MSI2: variants seen among roughly 807,000 people sequenced by gnomAD.
The protein encoded by MSI2 is musashi RNA binding protein 2, also known as RNA-binding protein Musashi homolog 2.
MSI2 carries 17 observed loss-of-function variants against 45.6 expected under a neutral mutation model. The ratio of observed to expected loss-of-function variants is 0.37; its 90% CI spans 0.26 to 0.56. The LOEUF (loss-of-function observed/expected upper bound fraction) is 0.56. Among genes scored for constraint, MSI2 ranks in the 20% least tolerant of loss-of-function variants. The pLI, the probability that MSI2 is intolerant of heterozygous loss-of-function variation, is 0.77. For synonymous variants in MSI2, 156 were observed against 158.2 expected, an observed-to-expected ratio of 0.99 and a Z score of 0.11; for missense variants, 293 against 444.2, an observed-to-expected ratio of 0.66 and a Z score of 3.06.
chr17:57,627,270 G>A lies in MSI2; in HGVS notation c.694G>A (p.Gly232Arg), dbSNP rs747210735. 8.7e-6 allele frequency: 14 copies of A among 1,614,056 alleles called. No individual in the cohort carries two copies. Among genetic ancestry groups the A allele is most frequent in the African/African-American group, 6.7e-5 (5 of 74,918 alleles). The change falls in exon 10 of 14, where the codon GGA (glycine) becomes AGA (arginine). Residue 232 changes from glycine (G) to arginine (R), a missense_variant. Gly to Arg is a moderately radical substitution (Grantham distance 125). Coordinates refer to ENST00000284073, the MANE Select transcript of MSI2 (RefSeq NM_138962.4). This position sits in a 1 kb window ranked among gnomAD's most constrained non-coding sequence, Gnocchi z 4.6. ...FVATYGRGYP[G>R]FAPSYGYQFP... ...GGCGACCTATGGCCGTGGCTACCCC[G>A]GATTTGCTCCAAGCTATGGCTATCA...
intron 6 of MSI2, among the ~76,000 whole-genome samples, chr17:57,451,860 T>C (rs1378353255): frequency 6.6e-6 from 1 of 152,150 alleles, no homozygotes. Context: ...TTTGGTCTTT[T>C]CAGAAAGAGG....
At chr17:57,295,276 G>C (rs933991125) in intron 5 of MSI2, among the ~76,000 whole-genome samples, 1 of 152,106 alleles carries the variant, frequency 6.6e-6, no homozygotes, top group Non-Finnish European at 1.5e-5. Context: ...CTGCCGCCCT[G>C]CTTGCTTAGG....
intron 9 of MSI2, among the ~76,000 whole-genome samples, chr17:57,622,630 CATT>C (rs1472603144): frequency 6.6e-6 from 1 of 151,268 alleles, no homozygotes; most frequent in South Asian, 2.1e-4. Context: ...TGTTCCCTGA[CATT>C]AAGCCCCCTG....
chr17:57,436,173 G>A (rs1453617731), intron 6 of MSI2, among the ~76,000 whole-genome samples: 1 of 152,232 alleles, frequency 6.6e-6, no homozygotes, highest in Non-Finnish European at 1.5e-5. Context: ...TGAACCTGGG[G>A]ATGAATACAG....
At chr17:57,697,195 CCTCT>C in the MSI2 span, among the ~76,000 whole-genome samples, 1 of 131,728 alleles carries the variant, frequency 7.6e-6, no homozygotes, top group Non-Finnish European at 1.7e-5. Context: ...ACAGTCAAGT[CCTCT>C]CTCATTTGCA....
At chr17:57,315,028 G>A (rs1912738037) in intron 5 of MSI2, among the ~76,000 whole-genome samples, 1 of 152,180 alleles carries the variant, frequency 6.6e-6, no homozygotes, top group African/African-American at 2.4e-5. Context: ...GGTTGGGGGT[G>A]TGGATTGGGC....
chr17:57,623,556 A>G (rs1908509045), intron 9 of MSI2, among the ~76,000 whole-genome samples: 1 of 152,246 alleles, frequency 6.6e-6, no homozygotes, highest in African/African-American at 2.4e-5. Context: ...CCGATCTGCA[A>G]GAGAGGTGGT....
At chr17:57,605,506 TC>T (rs970192837) in intron 8 of MSI2, among the ~76,000 whole-genome samples, 2 of 151,930 alleles carry the variant, frequency 1.3e-5, no homozygotes, top group African/African-American at 4.8e-5. Flanking sequence ...GCCACCAGCG[TC>T]CCCGTACTCC....
intron 5 of MSI2, chr17:57,265,498 T>A (rs764050551): frequency 1.5e-4 from 23 of 152,208 alleles, no homozygotes; most frequent in Non-Finnish European, 2.8e-4. Context: ...AGTACTGTCA[T>A]AATATTCTCT....
intron 5 of MSI2, among the ~76,000 whole-genome samples, chr17:57,379,469 G>A (rs919756629): frequency 2.7e-5 from 4 of 147,866 alleles, no homozygotes; most frequent in Admixed American, 6.7e-5. Flanking sequence ...TTGTTTTTTC[G>A]TTTTCTTTCT....
chr17:57,354,653 C>T (rs544884598), intron 5 of MSI2, among the ~76,000 whole-genome samples: 9 of 152,078 alleles, frequency 5.9e-5, no homozygotes, highest in African/African-American at 1.7e-4. Context: ...TAAGTGTGAA[C>T]CTCCAGGAAG....
intron 6 of MSI2, among the ~76,000 whole-genome samples, chr17:57,490,052 C>T (rs1178564537): frequency 6.6e-6 from 1 of 152,164 alleles, no homozygotes; most frequent in Non-Finnish European, 1.5e-5. Context: ...TGGTAACAGG[C>T]AGTAGACCAA....
intron 7 of MSI2, among the ~76,000 whole-genome samples, chr17:57,567,194 G>C (rs1030046483): frequency 1.3e-5 from 2 of 152,100 alleles, no homozygotes; most frequent in Non-Finnish European, 2.9e-5. Context: ...CCGGAGTATC[G>C]CAGGGAGTAA....
intron 6 of MSI2, among the ~76,000 whole-genome samples, chr17:57,456,177 G>C (rs2085110538): frequency 6.6e-6 from 1 of 152,204 alleles, no homozygotes; most frequent in Non-Finnish European, 1.5e-5. Context: ...TGGATGCAAA[G>C]ATGTTGAAGA....
chr17:57,368,302 T>C (rs2083370112), intron 5 of MSI2, among the ~76,000 whole-genome samples: 1 of 152,110 alleles, frequency 6.6e-6, no homozygotes, highest in African/African-American at 2.4e-5. Context: ...TTTGGGAGGC[T>C]CCCAGCACTT....
In MSI2 at chr17:57,425,405, A is replaced by G. The variant is rs150513976; in HGVS notation, c.405+23934A>G. On this transcript the variant is annotated intron_variant, in intron 6 of 13. Transcript: ENST00000284073. The stretch of plus-strand genomic sequence containing the variant: ...TCATCTCATCACCATGAGATAACCC[A>G]CAGTAACATTTTGGTGTAGGCTTCC... 4.3e-3 allele frequency among the ~76,000 whole-genome samples: 656 copies of G among 152,322 alleles called. 3 individuals are homozygous for G. The highest frequency in any genetic ancestry group is 0.015 in the African/African-American group (625 of 41,570).
Position 57,529,563 on chromosome 17 carries a change from C to A in MSI2, c.406-113C>A. On this transcript the variant is annotated intron_variant, in intron 6 of 13. Transcript: ENST00000284073. The surrounding 1 kb of genome is among the most constrained non-coding windows in gnomAD (Gnocchi z 5.3). ...GCATTTTCAAATATTTTTTGATAAG[C>A]AACTATTACTTCTGTAATGGAAACT... 2.2e-6 allele frequency: 2 copies of A among 890,106 alleles called. No individual in the cohort carries two copies. The highest frequency in any genetic ancestry group is 3.5e-6 in the Non-Finnish European group (2 of 566,130). 55.1% of individuals were successfully genotyped at this position (890,106 alleles called of 1,614,324 possible). A position where few individuals can be genotyped will look rare whatever the true frequency, so the allele number is the denominator to read the frequency against.
chr17:57,688,677 T>C (rs1305135335), downstream of MSI2, among the ~76,000 whole-genome samples: 1 of 152,172 alleles, frequency 6.6e-6, no homozygotes, highest in Non-Finnish European at 1.5e-5. Context: ...TACATATGTA[T>C]ATATGTGAAG....
intron 7 of MSI2, among the ~76,000 whole-genome samples, chr17:57,558,315 A>C (rs2087488028): frequency 6.6e-6 from 1 of 152,164 alleles, no homozygotes; most frequent in Non-Finnish European, 1.5e-5. Context: ...TTAAAAAGGC[A>C]GTTAACGATC....
Sources: allele counts gnomAD v4.1 joint callset (sites outside exome capture counted in the v4.1 genomes callset), GRCh38; gene constraint gnomAD v4.1.1; non-coding constraint Gnocchi (gnomAD v3.1); transcripts MANE v1.5; gene names NCBI Gene and HGNC (gene_info 2026-07-23, HGNC 2026-07-21).